The following RNLS variants were observed in gnomAD, a reference collection of about 807,000 sequenced individuals.
RNLS encodes renalase, FAD dependent amine oxidase, also known as renalase.
RNLS carries 39 observed loss-of-function variants against 39.8 expected under a neutral mutation model. The ratio of observed to expected loss-of-function variants is 0.98; its 90% confidence interval spans 0.76 to 1.28. The LOEUF (loss-of-function observed/expected upper bound fraction) is 1.28, where lower values mean the gene tolerates loss of function less well. Ranked by LOEUF, RNLS falls within the 50% of genes most tolerant of loss-of-function variation. The pLI, the probability that RNLS is intolerant of heterozygous loss-of-function variation, is 0.00. For synonymous variants in RNLS, 147 were observed against 150.7 expected (o/e 0.98, Z 0.18); for missense variants, 410 against 413.3 (o/e 0.99, Z 0.07).
chr10:88,553,913 C>A (rs1214827102), intron 4 of RNLS, among the ~76,000 whole-genome samples: 1 of 151,854 alleles, frequency 6.6e-6, no homozygotes, highest in Admixed American at 6.6e-5. Flanking sequence ...AGAAGAGATC[C>A]TAAGAAAATA....
At chr10:88,430,849 G>A (rs1855094799) in intron 4 of RNLS, among the ~76,000 whole-genome samples, 1 of 151,464 alleles carries the variant, frequency 6.6e-6, no homozygotes, top group Non-Finnish European at 1.5e-5. Context: ...ATTTTGTCGT[G>A]GTCTTTTGTA....
intron 5 of RNLS, among the ~76,000 whole-genome samples, chr10:88,326,265 A>G (rs1846601261): frequency 6.6e-6 from 1 of 152,226 alleles, no homozygotes; most frequent in South Asian, 2.1e-4. Context: ...GATGTGGGGA[A>G]GTTTGGAACT....
chr10:88,215,892 G>C, the RNLS span, among the ~76,000 whole-genome samples: 5 of 151,846 alleles, frequency 3.3e-5, no homozygotes, highest in South Asian at 1.0e-3. Flanking sequence ...TAGAGATGAT[G>C]TTTTGCCATG....
At chr10:88,252,107 G>T in the RNLS span, among the ~76,000 whole-genome samples, 2 of 152,098 alleles carry the variant, frequency 1.3e-5, no homozygotes, top group Non-Finnish European at 2.9e-5. Flanking sequence ...AACTGCTGGT[G>T]GGTCACCTAA....
intron 4 of RNLS, among the ~76,000 whole-genome samples, chr10:88,418,088 T>C (rs2133741202): frequency 6.6e-6 from 1 of 151,666 alleles, no homozygotes; most frequent in East Asian, 1.9e-4. Flanking sequence ...TGTCTTTTTT[T>C]TTTTTTTTTT....
At chr10:88,435,191 C>G (rs1343793764) in intron 4 of RNLS, among the ~76,000 whole-genome samples, 1 of 151,970 alleles carries the variant, frequency 6.6e-6, no homozygotes, top group Non-Finnish European at 1.5e-5. Flanking sequence ...TGCTGAAATA[C>G]AGAGAAAGGG....
the RNLS span, among the ~76,000 whole-genome samples, chr10:88,207,788 G>T: frequency 6.6e-6 from 1 of 152,068 alleles, no homozygotes; most frequent in Admixed American, 6.6e-5. Context: ...CTTTACCAGG[G>T]CCTCTGGACA....
chr10:88,234,225 C>T, the RNLS span, among the ~76,000 whole-genome samples: 1 of 151,762 alleles, frequency 6.6e-6, no homozygotes, highest in Non-Finnish European at 1.5e-5. Context: ...AGTGCAAATT[C>T]AACATCATTT....
At chr10:88,248,288 T>G in the RNLS span, among the ~76,000 whole-genome samples, 1 of 152,210 alleles carries the variant, frequency 6.6e-6, no homozygotes, top group Admixed American at 6.5e-5. Flanking sequence ...ATAAATGTTA[T>G]ACATAGTGGC....
chr10:88,553,139 C>T (rs1355996920), intron 4 of RNLS, among the ~76,000 whole-genome samples: 5 of 152,146 alleles, frequency 3.3e-5, no homozygotes, highest in Non-Finnish European at 5.9e-5. Context: ...TTATGTATTT[C>T]TTAAGCAATG....
At chr10:88,256,260 T>C in the RNLS span, among the ~76,000 whole-genome samples, 1 of 152,308 alleles carries the variant, frequency 6.6e-6, no homozygotes, top group Non-Finnish European at 1.5e-5. Context: ...ATAGATGAAA[T>C]TACCAACCCG....
At chr10:88,289,923 T>G (rs193187768) in intron 6 of RNLS, among the ~76,000 whole-genome samples, 1 of 152,270 alleles carries the variant, frequency 6.6e-6, no homozygotes, top group Admixed American at 6.5e-5. Context: ...TGTCATGTAT[T>G]AAGTTGAACC....
chr10:88,189,138 A>G, the RNLS span, among the ~76,000 whole-genome samples: 7 of 152,358 alleles, frequency 4.6e-5, no homozygotes, highest in East Asian at 1.9e-4. Context: ...AGAACCACAT[A>G]TATGTATGTA....
chr10:88,516,023 A>G (rs542074289), intron 4 of RNLS, among the ~76,000 whole-genome samples: 14 of 152,188 alleles, frequency 9.2e-5, no homozygotes, highest in Admixed American at 5.2e-4. Context: ...AACACAAAAT[A>G]AAGACCTTGT....
chr10:88,536,955 T>G (rs935408560), intron 4 of RNLS, among the ~76,000 whole-genome samples: 2 of 152,204 alleles, frequency 1.3e-5, no homozygotes, highest in Non-Finnish European at 2.9e-5. Flanking sequence ...CTGCTCAAGG[T>G]GAGTTCTCAA....
At chr10:88,486,654 A>C (rs940413911) in intron 4 of RNLS, among the ~76,000 whole-genome samples, 5 of 152,232 alleles carry the variant, frequency 3.3e-5, no homozygotes, top group African/African-American at 1.2e-4. Context: ...TCAAAACCAC[A>C]ATGAGATACT....
chr10:88,458,115 A>C (rs993304210), intron 4 of RNLS, among the ~76,000 whole-genome samples: 10 of 152,148 alleles, frequency 6.6e-5, no homozygotes, highest in Non-Finnish European at 1.3e-4. Flanking sequence ...GACATCCATC[A>C]TGGGTTGGAT....
intron 4 of RNLS, among the ~76,000 whole-genome samples, chr10:88,391,325 C>T (rs370970999): frequency 7.9e-5 from 12 of 152,066 alleles, no homozygotes; most frequent in South Asian, 2.1e-4. Context: ...TTGGGAGTTC[C>T]GAGGCCGGTG....
intron 5 of RNLS, among the ~76,000 whole-genome samples, chr10:88,332,859 T>C (rs1847212034): frequency 6.6e-6 from 1 of 152,216 alleles, no homozygotes; most frequent in African/African-American, 2.4e-5. Context: ...TAGGAAACTA[T>C]GATGTACCAT....
Sources: allele counts gnomAD v4.1 joint callset (sites outside exome capture counted in the v4.1 genomes callset), GRCh38; gene constraint gnomAD v4.1.1; transcripts MANE v1.5; gene names NCBI Gene and HGNC (gene_info 2026-07-23, HGNC 2026-07-21).